Variants in ATP6V1A observed in about 807,000 individuals in gnomAD.
The protein encoded by ATP6V1A is V-type proton ATPase catalytic subunit A.
In ATP6V1A, 18 loss-of-function variants were observed where a neutral mutation model predicts 70.1. The observed-to-expected ratio is 0.26, with a 90% CI of 0.18 to 0.38. The LOEUF (loss-of-function observed/expected upper bound fraction) is 0.38. ATP6V1A is among the 10% of genes least tolerant of loss of function. The pLI is 1.00. For synonymous variants in ATP6V1A, 232 were observed against 253.8 expected (o/e 0.91, Z 0.82); for missense variants, 424 against 772.4 (o/e 0.55, Z 5.35).
At chr3:113,774,860 A>G (rs1708890165) in intron 1 of ATP6V1A, among the ~76,000 whole-genome samples, 1 of 152,138 alleles carries the variant, frequency 6.6e-6, no homozygotes, top group Non-Finnish European at 1.5e-5. Flanking sequence ...GAATAGATGA[A>G]GTAGTACTCT....
At chr3:113,801,633 A>G (rs970205253) in intron 12 of ATP6V1A, among the ~76,000 whole-genome samples, 1 of 152,176 alleles carries the variant, frequency 6.6e-6, no homozygotes, top group African/African-American at 2.4e-5. Flanking sequence ...AGAAATCTGA[A>G]TGTCCTCTAC....
intron 8 of ATP6V1A, among the ~76,000 whole-genome samples, chr3:113,792,374 A>G (rs527767766): frequency 2.0e-5 from 3 of 151,814 alleles, no homozygotes; most frequent in East Asian, 1.9e-4. Flanking sequence ...GTCTTGCTCT[A>G]TCACCCAGGC....
At chr3:113,779,168 G>A (rs1371312171) in intron 2 of ATP6V1A, 1 of 171,280 alleles carries the variant, frequency 5.8e-6, no homozygotes, top group East Asian at 1.5e-4. Flanking sequence ...CTTTTAATAT[G>A]TAATACCTTG....
At chr3:113,797,457 T>C (rs193258914) in intron 11 of ATP6V1A, among the ~76,000 whole-genome samples, 3 of 150,654 alleles carry the variant, frequency 2.0e-5, no homozygotes, top group Non-Finnish European at 4.4e-5. Context: ...GGTTTTGCCA[T>C]GTTGGCCAGG....
intron 1 of ATP6V1A, among the ~76,000 whole-genome samples, chr3:113,773,682 T>C (rs1036277473): frequency 6.6e-6 from 1 of 152,172 alleles, no homozygotes; most frequent in African/African-American, 2.4e-5. Flanking sequence ...TAGAATACCG[T>C]CCTGAACCAC....
intron 1 of ATP6V1A, among the ~76,000 whole-genome samples, chr3:113,767,086 CTTT>C (rs369126041): frequency 1.9e-5 from 2 of 107,842 alleles, no homozygotes; most frequent in Non-Finnish European, 3.7e-5. Context: ...GATGTTATGT[CTTT>C]TTTTTTTTTT....
chr3:113,783,190 T>C (rs761112415), intron 3 of ATP6V1A, among the ~76,000 whole-genome samples: 6 of 152,220 alleles, frequency 3.9e-5, no homozygotes. Flanking sequence ...TATTTACTTA[T>C]CAATGTCTTA....
rs757838961 is a variant in ATP6V1A at position 113,788,861 on chromosome 3, C to T, written c.865C>T (p.Arg289Trp). 1.1e-5 allele frequency: 18 copies of T among 1,612,194 alleles called. No individual in the cohort carries two copies. Among genetic ancestry groups the T allele is most frequent in the East Asian group, 2.2e-5 (1 of 44,870 alleles). The change falls in exon 7 of 15, where the codon CGG becomes TGG. Residue 289 changes from arginine to tryptophan, a missense_variant. Arg to Trp is a moderately radical substitution (Grantham distance 101, BLOSUM62 -3). This residue lies in a region of ATP6V1A where 8 missense variants were observed against 41.8 expected (regional missense o/e 0.19). Coordinates refer to ENST00000273398, the MANE Select transcript of ATP6V1A (RefSeq NM_001690.4). ...AGGAAATGAGATGTCTGAAGTCCTC[C>T]GGGACTTCCCAGAGGTCTGTATAAA... Reference protein sequence around the residue: ...ERGNEMSEVLRDFPELTMEVD... With the variant: ...ERGNEMSEVLWDFPELTMEVD...
chr3:113,752,985 T>TAGAC (rs1420602061), intron 1 of ATP6V1A, among the ~76,000 whole-genome samples: 2 of 152,054 alleles, frequency 1.3e-5, no homozygotes, highest in African/African-American at 2.4e-5. Context: ...AAAGTATGGA[T>TAGAC]AGACACATGA....
At position 113,809,953 on chromosome 3, in the gene ATP6V1A, A is replaced by G. The variant is rs1268106441; in HGVS notation, c.*526A>G. On this transcript the variant is annotated 3_prime_UTR_variant, in exon 15 of 15. Coordinates refer to ENST00000273398, the MANE Select transcript of ATP6V1A (RefSeq NM_001690.4). ...CAAAAACATAATGATTAATGTTCCA[A>G]TTATGCATCACTTCCCCCAGTATAA... The G allele has an allele frequency of 6.6e-6, 1 of 152,254 alleles. No individual in the cohort carries two copies. Among genetic ancestry groups the G allele is most frequent in the Non-Finnish European group, 1.5e-5 (1 of 68,060 alleles). 9.4% of individuals were successfully genotyped at this position (152,254 alleles called of 1,614,324 possible).
rs1284561969 is a variant in ATP6V1A at position 113,810,498 on chromosome 3, C to G, written c.*1071C>G. 1.3e-5 allele frequency: 2 copies of G among 152,046 alleles called. No individual in the cohort carries two copies. Among genetic ancestry groups the G allele is most frequent in the Non-Finnish European group, 2.9e-5 (2 of 68,004 alleles). The allele number at this position is 152,046 out of a possible 1,614,324, so 9.4% of individuals were successfully genotyped here. ...TATTTCACTAGAAAAAATTTAATATCAAGGACTATTACATACTTCATTACT... is the reference window on the plus strand; with the variant it reads ...TATTTCACTAGAAAAAATTTAATATGAAGGACTATTACATACTTCATTACT... On this transcript the variant is annotated 3_prime_UTR_variant, in exon 15 of 15. Transcript: ENST00000273398.
chr3:113,801,866 T>G (rs1038608848), intron 12 of ATP6V1A, among the ~76,000 whole-genome samples: 1 of 151,474 alleles, frequency 6.6e-6, no homozygotes, highest in Non-Finnish European at 1.5e-5. Context: ...CATAAAACAT[T>G]GTTTAATATT....
intron 1 of ATP6V1A, among the ~76,000 whole-genome samples, chr3:113,766,481 G>T (rs536128075): frequency 6.6e-6 from 1 of 152,134 alleles, no homozygotes; most frequent in East Asian, 1.9e-4. Context: ...TTTTTGTAGG[G>T]ACAAGGTCTC....
intron 3 of ATP6V1A, among the ~76,000 whole-genome samples, chr3:113,782,562 G>A (rs137952424): frequency 1.0e-4 from 14 of 139,712 alleles, no homozygotes; most frequent in African/African-American, 3.3e-4. Context: ...ATATACATGT[G>A]TATATATATA....
intron 1 of ATP6V1A, among the ~76,000 whole-genome samples, chr3:113,770,057 ATTTAT>A (rs1200532987): frequency 7.3e-5 from 11 of 150,936 alleles, no homozygotes; most frequent in Admixed American, 2.0e-4. Context: ...TTATTTATTT[ATTTAT>A]TTATTTTTGA....
intron 7 of ATP6V1A, 77 bp from the exon 8 acceptor site, chr3:113,789,652 TAAA>T: frequency 1.1e-6 from 1 of 937,044 alleles, no homozygotes; most frequent in Non-Finnish European, 1.6e-6. Context: ...GGCAAAAGTT[TAAA>T]AAAAAAAAGA....
Position 113,784,420 on chromosome 3 carries a change from A to G in ATP6V1A, c.408A>G (p.Thr136=). 6.2e-7 allele frequency: 1 copy of G among 1,613,304 alleles called. No homozygotes were observed. The highest frequency in any genetic ancestry group is 2.2e-5 in the East Asian group (1 of 44,874). The change falls in exon 4 of 15, where the codon ACA becomes ACG. Residue 136 remains threonine, a synonymous_variant. Transcript: ENST00000273398. ...ALSRDIKWDF[T]PCKNLRVGSH... ...GCAGAGATATCAAATGGGACTTTAC[A>G]CCTTGCAAAAACCTACGGGTATGTC...
intron 1 of ATP6V1A, among the ~76,000 whole-genome samples, chr3:113,768,592 C>CTTTTT (rs34915547): frequency 9.7e-6 from 1 of 103,392 alleles, no homozygotes; most frequent in Non-Finnish European, 1.9e-5. Context: ...TAGCCTGTAT[C>CTTTTT]TTTTTTTTTT....
intron 1 of ATP6V1A, among the ~76,000 whole-genome samples, chr3:113,769,026 G>A (rs1235701045): frequency 6.6e-6 from 1 of 152,186 alleles, no homozygotes; most frequent in Non-Finnish European, 1.5e-5. Flanking sequence ...TACAATAATA[G>A]GCTTAACAAA....
Sources: allele counts gnomAD v4.1 joint callset (sites outside exome capture counted in the v4.1 genomes callset), GRCh38; gene constraint gnomAD v4.1.1; regional missense constraint gnomAD v4.1.1; transcripts MANE v1.5; gene names NCBI Gene and HGNC (gene_info 2026-07-23, HGNC 2026-07-21).